LRP1B: variants seen among roughly 807,000 people sequenced by gnomAD.
LRP1B encodes low-density lipoprotein receptor-related protein 1B.
LRP1B carries 217 observed loss-of-function variants against 556.6 expected under a neutral mutation model. That is an observed-to-expected ratio of 0.39 (90% CI 0.35 to 0.44). The LOEUF (loss-of-function observed/expected upper bound fraction) is 0.44. Ranked by LOEUF, LRP1B falls within the 20% of genes least tolerant of loss-of-function variation. The pLI is 1.00. For synonymous variants in LRP1B, 2,047 were observed against 1,865.8 expected, an observed-to-expected ratio of 1.10 and a Z score of -2.50; for missense variants, 5,053 against 5,620.8, an observed-to-expected ratio of 0.90 and a Z score of 3.23.
chr2:142,056,602 A>G (rs948825325), intron 1 of LRP1B, among the ~76,000 whole-genome samples: 34 of 152,096 alleles, frequency 2.2e-4, no homozygotes, highest in African/African-American at 7.7e-4. Context: ...AAACACAAAC[A>G]CAAAGAGATA....
intron 16 of LRP1B, among the ~76,000 whole-genome samples, chr2:140,990,240 T>C (rs1203952245): frequency 6.6e-6 from 1 of 152,090 alleles, no homozygotes; most frequent in Admixed American, 6.6e-5. Context: ...CTAAGTTTGT[T>C]TTCTCATTCC....
At chr2:140,562,132 AGTG>A (rs1308765897) in intron 43 of LRP1B, among the ~76,000 whole-genome samples, 30 of 152,104 alleles carry the variant, frequency 2.0e-4, no homozygotes, top group Non-Finnish European at 1.5e-4. Context: ...CACAATACCT[AGTG>A]GTGGTGGTGA....
chr2:141,046,577 G>T (rs1299626298), intron 11 of LRP1B, among the ~76,000 whole-genome samples: 1 of 152,098 alleles, frequency 6.6e-6, no homozygotes, highest in Non-Finnish European at 1.5e-5. Flanking sequence ...CCTTCATACT[G>T]TCAAAGCAGT....
At chr2:141,739,315 C>A (rs1396277646) in intron 2 of LRP1B, among the ~76,000 whole-genome samples, 1 of 152,038 alleles carries the variant, frequency 6.6e-6, no homozygotes, top group Non-Finnish European at 1.5e-5. Context: ...AACAAAACCT[C>A]AAGAAGTACT....
intron 43 of LRP1B, among the ~76,000 whole-genome samples, chr2:140,581,210 T>C (rs1353620323): frequency 6.6e-6 from 1 of 152,226 alleles, no homozygotes; most frequent in Non-Finnish European, 1.5e-5. Context: ...TCAAAATGAC[T>C]TTAGACACTT....
At chr2:141,150,638 GA>G (rs904871975) in intron 7 of LRP1B, among the ~76,000 whole-genome samples, 5 of 152,114 alleles carry the variant, frequency 3.3e-5, no homozygotes, top group South Asian at 4.2e-4. Context: ...TTTTTCATGT[GA>G]AAAAAAGTAA....
intron 7 of LRP1B, among the ~76,000 whole-genome samples, chr2:141,096,665 AGAGAGAGAGAGAGAGAGAGAGAGAG>A: frequency 7.7e-6 from 1 of 129,432 alleles, no homozygotes; most frequent in East Asian, 3.7e-4. Context: ...AGAGAGAGAG[AGAGAGAGAGAGAGAGAGAGAGAGAG>A]AAAATAAATA....
At chr2:140,884,775 T>G (rs1187721785) in intron 24 of LRP1B, among the ~76,000 whole-genome samples, 2 of 152,180 alleles carry the variant, frequency 1.3e-5, no homozygotes, top group Non-Finnish European at 2.9e-5. Context: ...TGCAATGGTG[T>G]GATCACGGCT....
At chr2:141,026,610 C>T (rs111336597) in intron 11 of LRP1B, among the ~76,000 whole-genome samples, 213 of 152,092 alleles carry the variant, frequency 1.4e-3, no homozygotes, top group African/African-American at 4.8e-3. Context: ...CACATAAATA[C>T]GCAGAGAAAA....
Position 140,383,293 on chromosome 2 carries a change from C to CATGTGT in LRP1B, c.10531+2599_10531+2600insACACAT, listed in dbSNP as rs1553457406. Among the ~76,000 whole-genome samples the CATGTGT allele has an allele frequency of 9.3e-3, 1,356 of 145,738 alleles. 13 individuals carry two copies. Among genetic ancestry groups the CATGTGT allele is most frequent in the Non-Finnish European group, 0.015 (973 of 65,684 alleles). On this transcript the variant is annotated intron_variant, in intron 67 of 90. Coordinates refer to ENST00000389484, the MANE Select transcript of LRP1B (RefSeq NM_018557.3). Reference sequence around the variant, plus strand: ...CCTAATGTATTAGGACAGTGATGTGCGTGTGTGTGTGTGTGTGTGTGTGTG... The same window carrying CATGTGT: ...CCTAATGTATTAGGACAGTGATGTGCATGTGTGTGTGTGTGTGTGTGTGTGTGTGTG...
chr2:140,994,129 G>C lies in LRP1B; in HGVS notation c.2510C>G (p.Pro837Arg). Reference sequence around the variant, plus strand: ...ACATATGTGAGGTAGTGCTTCTCCAGGATTAACTAGAGTTAAAAAAACCCA... The same window carrying C: ...ACATATGTGAGGTAGTGCTTCTCCACGATTAACTAGAGTTAAAAAAACCCA... ...DENGTTCTFN[P>R]GEALPHICKA... Residue 837 changes from proline to arginine, a missense_variant, in exon 16 of 91, where the codon CCT (proline) becomes CGT (arginine). Pro to Arg is a moderately radical substitution (Grantham distance 103). This residue lies in a region of LRP1B where 3,619 missense variants were observed against 3,931.9 expected (regional missense o/e 0.92). Transcript: ENST00000389484. The C allele has an allele frequency of 1.2e-6, 2 of 1,611,932 alleles. No homozygotes were observed. Among genetic ancestry groups the C allele is most frequent in the South Asian group, 2.2e-5 (2 of 90,958 alleles).
chr2:141,285,459 T>C lies in LRP1B; in HGVS notation c.344-30818A>G, dbSNP rs538277168. ...AGGTGAGAATAATTTTTTTTTCTTT[T>C]TTTTTTTTTTTTTTGAGATGGAGTG... On this transcript the variant is annotated intron_variant, in intron 3 of 90. Coordinates refer to ENST00000389484, the MANE Select transcript of LRP1B (RefSeq NM_018557.3). 4.2e-3 allele frequency among the ~76,000 whole-genome samples: 603 copies of C among 143,982 alleles called. 17 individuals are homozygous for C. The highest frequency in any genetic ancestry group is 0.035 in the Admixed American group (512 of 14,584). 94.5% of individuals were successfully genotyped at this position (143,982 alleles called of 152,430 possible).
intron 2 of LRP1B, among the ~76,000 whole-genome samples, chr2:141,753,745 G>A (rs184449552): frequency 5.3e-5 from 8 of 151,978 alleles, no homozygotes; most frequent in Admixed American, 4.6e-4. Context: ...TACTTTCTCC[G>A]ATCTACTGGC....
At chr2:140,387,203 A>C (rs1450228589) in intron 66 of LRP1B, among the ~76,000 whole-genome samples, 3 of 152,202 alleles carry the variant, frequency 2.0e-5, no homozygotes, top group African/African-American at 7.2e-5. Flanking sequence ...AAAACAAATT[A>C]GCTAAAGGAG....
chr2:140,457,411 T>G (rs969336433), intron 61 of LRP1B, 52 bp downstream of exon 61: 19 of 1,317,516 alleles, frequency 1.4e-5, no homozygotes, highest in African/African-American at 1.3e-4. Flanking sequence ...AAAAATGGAA[T>G]GTTACTGAAA....
intron 2 of LRP1B, among the ~76,000 whole-genome samples, chr2:141,786,775 A>C (rs1695441788): frequency 1.3e-5 from 2 of 151,954 alleles, no homozygotes; most frequent in South Asian, 4.1e-4. Context: ...TGGCTGTAGG[A>C]CTTTTAAAAA....
chr2:140,392,498 T>A (rs372748706), intron 66 of LRP1B, among the ~76,000 whole-genome samples: 46 of 152,102 alleles, frequency 3.0e-4, no homozygotes, highest in African/African-American at 1.0e-3. Flanking sequence ...GCAACCTTTT[T>A]TTTTTTGGAG....
intron 1 of LRP1B, among the ~76,000 whole-genome samples, chr2:142,080,563 T>C (rs1705674604): frequency 6.6e-6 from 1 of 152,064 alleles, no homozygotes; most frequent in Admixed American, 6.6e-5. Flanking sequence ...TTTTTGAAGT[T>C]AAATTAAAGG....
chr2:141,608,789 T>G (rs1688008858), intron 2 of LRP1B, among the ~76,000 whole-genome samples: 2 of 152,222 alleles, frequency 1.3e-5, no homozygotes, highest in East Asian at 3.8e-4. Context: ...TATAGTCAGT[T>G]GATTCTCACA....
Sources: allele counts gnomAD v4.1 joint callset (sites outside exome capture counted in the v4.1 genomes callset), GRCh38; gene constraint gnomAD v4.1.1; regional missense constraint gnomAD v4.1.1; transcripts MANE v1.5; gene names NCBI Gene and HGNC (gene_info 2026-07-23, HGNC 2026-07-21).